Variants in FBXO15 observed in about 807,000 individuals in gnomAD.
FBXO15 encodes the protein F-box protein 15.
A neutral mutation model predicts 49.5 loss-of-function variants in FBXO15; 30 were observed. That is an observed-to-expected ratio of 0.61 (90% CI 0.45 to 0.82). The LOEUF (loss-of-function observed/expected upper bound fraction) is 0.82, where lower values mean the gene tolerates loss of function less well. Among genes scored for constraint, FBXO15 ranks in the 40% least tolerant of loss-of-function variants. FBXO15 has a pLI of 0.00. For missense variants in FBXO15, 591 were observed against 631.5 expected (o/e 0.94, Z 0.69); for synonymous variants, 250 against 232.7 (o/e 1.07, Z -0.68).
At chr18:74,099,747 C>T (rs955221062) in intron 8 of FBXO15, 2 of 152,118 alleles carry the variant, frequency 1.3e-5, no homozygotes, top group African/African-American at 4.8e-5. Context: ...TGGACACCAA[C>T]AGCAAGCAAA....
intron 8 of FBXO15, among the ~76,000 whole-genome samples, chr18:74,104,570 T>C (rs1462349997): frequency 6.6e-6 from 1 of 151,914 alleles, no homozygotes; most frequent in East Asian, 1.9e-4. Flanking sequence ...TTTACTGAAA[T>C]GAAAGGGTTA....
chr18:74,121,662 C>A (rs546930913), intron 8 of FBXO15, among the ~76,000 whole-genome samples: 1 of 152,182 alleles, frequency 6.6e-6, no homozygotes, highest in East Asian at 1.9e-4. Flanking sequence ...AGAAGCAGCC[C>A]AAAGCAGATC....
intron 8 of FBXO15, among the ~76,000 whole-genome samples, chr18:74,110,026 T>C (rs1223301056): frequency 6.6e-6 from 1 of 151,400 alleles, no homozygotes; most frequent in Non-Finnish European, 1.5e-5. Flanking sequence ...TAGATCTACA[T>C]AAAGAAATAA....
In FBXO15 at chr18:74,082,022, T is replaced by C. The variant is rs749307713; in HGVS notation, c.1168A>G (p.Ile390Val). 1 of 1,612,264 alleles carries C rather than the reference T, an allele frequency of 6.2e-7. No individual in the cohort carries two copies. Among genetic ancestry groups the C allele is most frequent in the East Asian group, 2.2e-5 (1 of 44,860 alleles). ...GNIENGHVKL[I>V]VIHLKNNREH... ...CTGTTATTTTTTAAATGTATAACAA[T>C]GAGCTTCACATGTCCATTTTCAATA... The change falls in exon 9 of 10, where the codon ATT (isoleucine) becomes GTT (valine). Residue 390 changes from isoleucine to valine, a missense_variant. Transcript: ENST00000419743.
At position 74,075,590 on chromosome 18, in the gene FBXO15, C is replaced by T. The variant is rs139779157; in HGVS notation, c.1264-1860G>A. On this transcript the variant is annotated intron_variant, in intron 9 of 9. Transcript: ENST00000419743. This position sits in a 1 kb window ranked among gnomAD's most constrained non-coding sequence, Gnocchi z 4.1. ...CTCCGCTGGATTTGTCCATTAATAC[C>T]CATTCACTCATCAAACCACTCTGGC... 1.4e-3 allele frequency among the ~76,000 whole-genome samples: 217 copies of T among 152,328 alleles called. 2 individuals carry two copies. Among genetic ancestry groups the T allele is most frequent in the African/African-American group, 5.0e-3 (206 of 41,582 alleles).
At chr18:74,121,350 AC>A (rs1362830696) in intron 8 of FBXO15, among the ~76,000 whole-genome samples, 1 of 152,224 alleles carries the variant, frequency 6.6e-6, no homozygotes, top group African/African-American at 2.4e-5. Flanking sequence ...GGAAGATAAA[AC>A]GAAAGAGAAG....
At chr18:74,141,151 T>C (rs1979049720) in intron 1 of FBXO15, among the ~76,000 whole-genome samples, 1 of 152,248 alleles carries the variant, frequency 6.6e-6, no homozygotes, top group South Asian at 2.1e-4. Flanking sequence ...AATATTTTTA[T>C]GCAGTGAGTC....
rs549705194 is a variant in FBXO15, at chr18:74,075,642, C to A, written c.1264-1912G>T. Among the ~76,000 whole-genome samples, 11 of 152,320 alleles carry A rather than the reference C, an allele frequency of 7.2e-5. No homozygotes were observed. The highest frequency in any genetic ancestry group is 3.9e-4 in the East Asian group (2 of 5,182). On this transcript the variant is annotated intron_variant, in intron 9 of 9. Transcript: ENST00000419743. This position sits in a 1 kb window ranked among gnomAD's most constrained non-coding sequence, Gnocchi z 4.1. The stretch of plus-strand genomic sequence containing the variant: ...TGGTATCCTTTTTCCATCATCTGAC[C>A]GAACATCTCTTGATAAGGCCACTAA...
chr18:74,133,805 G>C (rs1978546845), intron 3 of FBXO15, among the ~76,000 whole-genome samples: 1 of 152,162 alleles, frequency 6.6e-6, no homozygotes, highest in Non-Finnish European at 1.5e-5. Context: ...GTGAGCAAGA[G>C]AGAAGGAAGG....
At chr18:74,141,584 TG>T (rs1979079507) in intron 1 of FBXO15, among the ~76,000 whole-genome samples, 1 of 151,942 alleles carries the variant, frequency 6.6e-6, no homozygotes, top group African/African-American at 2.4e-5. Context: ...GGGCAACAAT[TG>T]GGAGCAAAAA....
Position 74,123,490 on chromosome 18 carries a change from T to G in FBXO15, c.1016A>C (p.His339Pro). 6.2e-7 allele frequency: 1 copy of G among 1,611,964 alleles called. No homozygotes were observed. The highest frequency in any genetic ancestry group is 1.1e-5 in the South Asian group (1 of 90,450). The change falls in exon 8 of 10, where the codon CAT becomes CCT. Residue 339 changes from histidine to proline, a missense_variant. His to Pro is a moderately conservative substitution (Grantham distance 77). Transcript: ENST00000419743. ...SATIPYELPP[H>P]SPFLDDSPEY... ...GGGGCTATCATCCAAAAAGGGGCTA[T>G]GTGGAGGCAGTTCATAGGGGCTGAA...
At chr18:74,138,158 A>T (rs970550421) in intron 2 of FBXO15, among the ~76,000 whole-genome samples, 11 of 151,978 alleles carry the variant, frequency 7.2e-5, no homozygotes, top group African/African-American at 2.7e-4. Context: ...GCCGCCACCT[A>T]ATTTCTAGGC....
chr18:74,124,114 AGACCG>A (rs1914595885), intron 7 of FBXO15, among the ~76,000 whole-genome samples: 1 of 152,222 alleles, frequency 6.6e-6, no homozygotes, highest in African/African-American at 2.4e-5. Context: ...CACACTGTCC[AGACCG>A]GACAGAATCA....
intron 8 of FBXO15, among the ~76,000 whole-genome samples, chr18:74,086,847 AAATG>A (rs1454323185): frequency 1.3e-5 from 2 of 152,244 alleles, no homozygotes; most frequent in Non-Finnish European, 2.9e-5. Context: ...AAGTATTAAT[AAATG>A]GAGAAAGATG....
intron 8 of FBXO15, among the ~76,000 whole-genome samples, chr18:74,089,625 T>C (rs1232530287): frequency 6.6e-6 from 1 of 152,236 alleles, no homozygotes; most frequent in Non-Finnish European, 1.5e-5. Context: ...GTTTTTATCA[T>C]GAAGTGATGT....
At chr18:74,136,326 G>A (rs1016705792) in intron 2 of FBXO15, among the ~76,000 whole-genome samples, 8 of 152,276 alleles carry the variant, frequency 5.3e-5, no homozygotes, top group Admixed American at 1.3e-4. Context: ...GACTACAGGC[G>A]CACGCCGCCA....
chr18:74,085,859 A>C (rs1250215486), intron 8 of FBXO15, among the ~76,000 whole-genome samples: 1 of 152,252 alleles, frequency 6.6e-6, no homozygotes. Context: ...AACAAAGAAG[A>C]ATATCTTTAT....
At chr18:74,140,915 T>C (rs2145226224) in intron 1 of FBXO15, 1 of 152,336 alleles carries the variant, frequency 6.6e-6, no homozygotes, top group East Asian at 1.9e-4. Context: ...AAACTAGAAC[T>C]GTCAACATAA....
At chr18:74,145,153 T>C (rs9944643) in intron 1 of FBXO15, among the ~76,000 whole-genome samples, 13,374 of 152,264 alleles carry the variant, frequency 0.088, 1,089 homozygotes, top group African/African-American at 0.21. Context: ...CCTCTATCTT[T>C]GGCTAAAACA....
Sources: allele counts gnomAD v4.1 joint callset (sites outside exome capture counted in the v4.1 genomes callset), GRCh38; gene constraint gnomAD v4.1.1; non-coding constraint Gnocchi (gnomAD v3.1); transcripts MANE v1.5; gene names NCBI Gene and HGNC (gene_info 2026-07-23, HGNC 2026-07-21).